The following MS4A18 variants were observed in gnomAD, a reference collection of about 807,000 sequenced individuals.
MS4A18 encodes the protein membrane-spanning 4-domains subfamily A member 18.
A neutral mutation model predicts 13.1 loss-of-function variants in MS4A18; 27 were observed. The ratio of observed to expected loss-of-function variants is 2.06; its 90% CI spans 1.52 to 2.84. The LOEUF (loss-of-function observed/expected upper bound fraction) is 2.84, where lower values mean the gene tolerates loss of function less well. Ranked by LOEUF, MS4A18 falls within the 30% of genes most tolerant of loss-of-function variation. The pLI, the probability that MS4A18 is intolerant of heterozygous loss-of-function variation, is 0.00. For missense variants in MS4A18, 307 were observed against 196.4 expected (o/e 1.56, Z -3.37); for synonymous variants, 126 against 76.5 (o/e 1.65, Z -3.38).
upstream of MS4A18, among the ~76,000 whole-genome samples, chr11:60,728,513 A>G (rs111747950): frequency 3.0e-3 from 340 of 113,794 alleles, no homozygotes; most frequent in Middle Eastern, 0.011. Flanking sequence ...GTGTGTGTGT[A>G]TGTGTGTGTG....
At chr11:60,736,370 G>A (rs530375714) in intron 2 of MS4A18, among the ~76,000 whole-genome samples, 8 of 151,942 alleles carry the variant, frequency 5.3e-5, no homozygotes, top group South Asian at 2.1e-4. Context: ...CTGGAGGAAC[G>A]TCCTGAGCCC....
chr11:60,735,500 A>ATTTTTTTTTTTTTTTT (rs56136215), intron 2 of MS4A18, among the ~76,000 whole-genome samples: 3 of 110,090 alleles, frequency 2.7e-5, no homozygotes, highest in Non-Finnish European at 3.6e-5. Context: ...TGCCCGGCTA[A>ATTTTTTTTTTTTTTTT]TTTTTTTTTT....
In MS4A18 at chr11:60,738,994, GA is replaced by G; in HGVS notation, c.742del (p.Thr248ArgfsTer43). The stretch of plus-strand genomic sequence containing the variant: ...TTACAGATCTGAGCCTTTACTATGT[GA>G]CGGTGAGCATCTGACTGCCAGGGCC... On this transcript the variant is annotated frameshift_variant and splice_region_variant, in exon 4 of 6. Coordinates refer to ENST00000529108, the Ensembl canonical transcript of MS4A18. LOFTEE classifies it high-confidence loss of function. 1 of 703,048 alleles carries G rather than the reference GA, an allele frequency of 1.4e-6. No individual in the cohort carries two copies. Among genetic ancestry groups the G allele is most frequent in the South Asian group, 1.5e-5 (1 of 67,588 alleles). 43.6% of individuals were successfully genotyped at this position (703,048 alleles called of 1,614,324 possible). A position where few individuals can be genotyped will look rare whatever the true frequency, so the allele number is the denominator to read the frequency against.
At chr11:60,740,522 T>C (rs560850258) in intron 4 of MS4A18, among the ~76,000 whole-genome samples, 1 of 152,336 alleles carries the variant, frequency 6.6e-6, no homozygotes, top group Non-Finnish European at 1.5e-5. Flanking sequence ...AGCTGGTGTC[T>C]ATCCCCTGGC....
At chr11:60,737,283 G>T (rs1281035955) in intron 3 of MS4A18, among the ~76,000 whole-genome samples, 1 of 152,228 alleles carries the variant, frequency 6.6e-6, no homozygotes, top group Non-Finnish European at 1.5e-5. Context: ...GTACATGGCA[G>T]AGCTGGGATT....
chr11:60,738,983 C>A, exon 4 of MS4A18: 1 of 703,120 alleles, frequency 1.4e-6, no homozygotes, highest in Non-Finnish European at 2.6e-6. Flanking sequence ...AGATCTGAGC[C>A]TTTACTATGT....
downstream of MS4A18, among the ~76,000 whole-genome samples, chr11:60,744,590 G>A (rs1853459981): frequency 6.6e-6 from 1 of 152,112 alleles, no homozygotes; most frequent in South Asian, 2.1e-4. Context: ...GTCATAGGCT[G>A]GAAGAAAATA....
At chr11:60,735,953 C>T (rs566989095) in intron 2 of MS4A18, among the ~76,000 whole-genome samples, 3 of 152,270 alleles carry the variant, frequency 2.0e-5, no homozygotes, top group Admixed American at 6.5e-5. Context: ...TGAGCTAGCA[C>T]GTCCAGCCTC....
chr11:60,736,276 A>G (rs191747339), intron 2 of MS4A18, among the ~76,000 whole-genome samples: 39 of 147,968 alleles, frequency 2.6e-4, no homozygotes, highest in African/African-American at 9.0e-4. Context: ...CATTTGCCAG[A>G]TGAAGAGACT....
upstream of MS4A18, among the ~76,000 whole-genome samples, chr11:60,724,954 C>T (rs1853126799): frequency 6.6e-6 from 1 of 152,182 alleles, no homozygotes; most frequent in African/African-American, 2.4e-5. Flanking sequence ...AGGCGTGCAG[C>T]CACCCATCCT....
chr11:60,736,164 G>A (rs558076964), intron 2 of MS4A18, among the ~76,000 whole-genome samples: 1 of 152,052 alleles, frequency 6.6e-6, no homozygotes, highest in South Asian at 2.1e-4. Context: ...CAAAACCCCT[G>A]AGTGCCCCTA....
intron 5 of MS4A18, 71 bp from the exon 7 acceptor site, chr11:60,743,579 G>GA: frequency 3.0e-6 from 2 of 663,014 alleles, no homozygotes; most frequent in East Asian, 2.7e-5. Flanking sequence ...ACAGAAGGAA[G>GA]AAAAAAATTA....
Position 60,743,765 on chromosome 11 carries a change from A to G in MS4A18, c.974A>G (p.Asn325Ser), listed in dbSNP as rs181417521. The G allele has an allele frequency of 1.2e-3, 806 of 699,518 alleles. 10 individuals are homozygous for G. The Admixed American group carries it at 0.015, about 13-fold the overall frequency. 43.3% of individuals were successfully genotyped at this position (699,518 alleles called of 1,614,324 possible). ...GCCACTGGCCCTGTCAGTGCCACCA[A>G]TGGTCCTGTCAATACTACCATTCAC... Residue 325 changes from asparagine to serine, a missense_variant, in exon 6 of 6, where the codon AAT becomes AGT. By Grantham distance (46) the Asn-to-Ser change is conservative (BLOSUM62 1). Coordinates refer to ENST00000529108, the Ensembl canonical transcript of MS4A18.
At chr11:60,734,053 G>C (rs1354047484) in intron 2 of MS4A18, among the ~76,000 whole-genome samples, 1 of 152,010 alleles carries the variant, frequency 6.6e-6, no homozygotes, top group African/African-American at 2.4e-5. Context: ...AGACCAGCCT[G>C]GGCAACATGG....
Position 60,741,010 on chromosome 11 carries a change from C to CT in MS4A18, c.745-20_745-19insT, listed in dbSNP as rs1297479299. 2.8e-6 allele frequency: 2 copies of CT among 703,032 alleles called. No individual in the cohort carries two copies. Among genetic ancestry groups the CT allele is most frequent in the Admixed American group, 4.0e-5 (2 of 50,020 alleles). The allele number at this position is 703,032 out of a possible 1,614,324, so 43.5% of individuals were successfully genotyped here. A position where few individuals can be genotyped will look rare whatever the true frequency, so the allele number is the denominator to read the frequency against. ...ATCAACCTGAAGGACTAAATGCCTTCCATTTCTCTTTGCCTTTAGACATAT... is the reference window on the plus strand; with the variant it reads ...ATCAACCTGAAGGACTAAATGCCTTCTCATTTCTCTTTGCCTTTAGACATAT... On this transcript the variant is annotated intron_variant, in intron 4 of 5. Coordinates refer to ENST00000529108, the Ensembl canonical transcript of MS4A18.
chr11:60,728,635 GTGTC>G (rs1369913904), upstream of MS4A18, among the ~76,000 whole-genome samples: 3 of 151,742 alleles, frequency 2.0e-5, no homozygotes, highest in Admixed American at 6.6e-5. Context: ...CTCTGCGTGT[GTGTC>G]TGTCTGTCTG....
intron 1 of MS4A18, among the ~76,000 whole-genome samples, chr11:60,731,875 T>A (rs145581487): frequency 6.6e-6 from 1 of 152,178 alleles, no homozygotes; most frequent in East Asian, 1.9e-4. Context: ...GCCTCAAGAG[T>A]GTGTTTATGT....
upstream of MS4A18, among the ~76,000 whole-genome samples, chr11:60,728,483 C>T (rs977476255): frequency 2.7e-5 from 4 of 147,628 alleles, no homozygotes; most frequent in African/African-American, 1.0e-4. Context: ...ATCTGTCTTC[C>T]TCCCTCCTTC....
upstream of MS4A18, among the ~76,000 whole-genome samples, chr11:60,727,192 T>G (rs188346628): frequency 2.4e-3 from 369 of 152,342 alleles, 1 homozygote; most frequent in African/African-American, 8.3e-3. Flanking sequence ...TCCAAGACTT[T>G]GCTAAACAAT....
Sources: allele counts gnomAD v4.1 joint callset (sites outside exome capture counted in the v4.1 genomes callset), GRCh38; gene constraint gnomAD v4.1.1; transcripts MANE v1.5; gene names NCBI Gene and HGNC (gene_info 2026-07-23, HGNC 2026-07-21).